MKLN1: variants seen among roughly 807,000 people sequenced by gnomAD.
MKLN1 encodes muskelin.
In MKLN1, 18 loss-of-function variants were observed where a neutral mutation model predicts 99.0. The ratio of observed to expected loss-of-function variants is 0.18; its 90% confidence interval spans 0.13 to 0.27. The LOEUF is 0.27. Among genes scored for constraint, MKLN1 ranks in the 10% least tolerant of loss-of-function variants. The pLI is 1.00. For synonymous variants in MKLN1, 288 were observed against 293.2 expected (o/e 0.98, Z 0.18); for missense variants, 621 against 875.9 (o/e 0.71, Z 3.67).
intron 9 of MKLN1, among the ~76,000 whole-genome samples, chr7:131,429,489 A>C (rs1350846471): frequency 1.3e-5 from 2 of 151,936 alleles, no homozygotes; most frequent in African/African-American, 4.8e-5. Flanking sequence ...CATTCATCTT[A>C]TTTTTATTTC....
At chr7:131,206,532 A>G (rs4731765) in intron 3 of MKLN1, among the ~76,000 whole-genome samples, 3,333 of 53,584 alleles carry the variant, frequency 0.062, 110 homozygotes, top group African/African-American at 0.21. Context: ...ATGTATGTGT[A>G]TAATTATTAT....
chr7:131,256,803 T>C (rs918613116), intron 3 of MKLN1, among the ~76,000 whole-genome samples: 3 of 151,646 alleles, frequency 2.0e-5, no homozygotes, highest in Admixed American at 1.3e-4. Context: ...TCCAAAAGGG[T>C]GGAGGGAGGG....
chr7:131,173,974 CTT>C (rs1191131472), intron 2 of MKLN1, among the ~76,000 whole-genome samples: 3 of 129,674 alleles, frequency 2.3e-5, no homozygotes, highest in Admixed American at 1.6e-4. Flanking sequence ...TTTTCTTTTT[CTT>C]TTTTTTTTTT....
intron 2 of MKLN1, among the ~76,000 whole-genome samples, chr7:131,185,831 G>A (rs1365104888): frequency 6.6e-6 from 1 of 152,172 alleles, no homozygotes; most frequent in Non-Finnish European, 1.5e-5. Context: ...AAAGAGCTTA[G>A]AACATGGCCT....
chr7:131,347,478 A>G (rs1799598509), intron 1 of MKLN1, among the ~76,000 whole-genome samples: 1 of 152,198 alleles, frequency 6.6e-6, no homozygotes, highest in Non-Finnish European at 1.5e-5. Context: ...ACCTGAACCA[A>G]GAAGCCAAAC....
At chr7:131,419,169 G>T (rs554658062) in intron 8 of MKLN1, among the ~76,000 whole-genome samples, 1 of 149,472 alleles carries the variant, frequency 6.7e-6, no homozygotes, top group African/African-American at 2.5e-5. Flanking sequence ...GTCTTTAAAC[G>T]GTGTGCAAAA....
At chr7:131,171,084 G>A (rs879196782) in intron 2 of MKLN1, among the ~76,000 whole-genome samples, 3 of 152,206 alleles carry the variant, frequency 2.0e-5, no homozygotes, top group Admixed American at 2.0e-4. Context: ...ATCATAAAGA[G>A]ATGAATCAGA....
intron 3 of MKLN1, among the ~76,000 whole-genome samples, chr7:131,253,242 C>A (rs1797609266): frequency 6.6e-6 from 1 of 151,366 alleles, no homozygotes; most frequent in South Asian, 2.1e-4. Context: ...CCAACCCCAA[C>A]TAGGTCAGTG....
chr7:131,359,096 G>A (rs1209393127), intron 1 of MKLN1, among the ~76,000 whole-genome samples: 1 of 151,920 alleles, frequency 6.6e-6, no homozygotes, highest in Non-Finnish European at 1.5e-5. Flanking sequence ...GTTTCCTAGG[G>A]TGGAAGCTTA....
At chr7:131,208,467 T>C (rs1474318768) in intron 3 of MKLN1, among the ~76,000 whole-genome samples, 1 of 152,086 alleles carries the variant, frequency 6.6e-6, no homozygotes, top group African/African-American at 2.4e-5. Context: ...TGGTGGTGCG[T>C]GCCTGTGGTC....
At chr7:131,370,354 A>G (rs1158756328) in intron 1 of MKLN1, among the ~76,000 whole-genome samples, 1 of 140,668 alleles carries the variant, frequency 7.1e-6, no homozygotes, top group East Asian at 2.1e-4. Context: ...GTTTATAATT[A>G]TGGCGGATTT....
chr7:131,455,792 T>C (rs1360641894), intron 12 of MKLN1, among the ~76,000 whole-genome samples: 6 of 152,162 alleles, frequency 3.9e-5, no homozygotes, highest in Admixed American at 3.9e-4. Flanking sequence ...TTGCCTGTAA[T>C]CCCAACACTT....
chr7:131,141,491 T>G (rs1237613388), intron 1 of MKLN1, among the ~76,000 whole-genome samples: 1 of 152,236 alleles, frequency 6.6e-6, no homozygotes, highest in Non-Finnish European at 1.5e-5. Flanking sequence ...TCCTCGAGAA[T>G]GTGGCTTGTA....
rs187903650 is a variant in MKLN1 at position 131,154,427 on chromosome 7, C to T, written c.-297+11486C>T. ...TACTATGCCTGCTGTCCTTGAGAAG[C>T]AGGATTCTCAGCATGAGAGGAAGGG... On this transcript the variant is annotated intron_variant, in intron 2 of 7. Coordinates refer to the MKLN1 transcript ENST00000416992. Among the ~76,000 whole-genome samples, 5 of 152,270 alleles carry T rather than the reference C, an allele frequency of 3.3e-5. No homozygotes were observed. The East Asian group carries it at 9.6e-4, about 29-fold the overall frequency.
At chr7:131,268,576 G>A (rs778269753) in intron 3 of MKLN1, among the ~76,000 whole-genome samples, 5 of 152,150 alleles carry the variant, frequency 3.3e-5, no homozygotes, top group Non-Finnish European at 7.3e-5. Context: ...GGTTCCCAGA[G>A]TCCTTTCCAT....
At chr7:131,371,984 C>T (rs967522903) in intron 1 of MKLN1, among the ~76,000 whole-genome samples, 4 of 151,830 alleles carry the variant, frequency 2.6e-5, no homozygotes, top group African/African-American at 7.2e-5. Flanking sequence ...ATATGTGGTA[C>T]GTTTTTATTT....
At chr7:131,396,284 G>A (rs1189399142) in intron 4 of MKLN1, among the ~76,000 whole-genome samples, 5 of 152,006 alleles carry the variant, frequency 3.3e-5, no homozygotes, top group African/African-American at 1.2e-4. Context: ...TGTTTGCCAG[G>A]CTGGTTTTGA....
Position 131,492,958 on chromosome 7 carries a change from A to G in MKLN1, c.*5230A>G, listed in dbSNP as rs1176297963. On this transcript the variant is annotated 3_prime_UTR_variant, in exon 18 of 18. Transcript: ENST00000352689. ...GCTAAAGTTTTATATTGTGAACTGG[A>G]TCCCACTTAACAGCTTAAAAACACA... 6.6e-6 allele frequency: 1 copy of G among 152,156 alleles called. No individual in the cohort carries two copies. Among genetic ancestry groups the G allele is most frequent in the Non-Finnish European group, 1.5e-5 (1 of 68,036 alleles). 9.4% of individuals were successfully genotyped at this position (152,156 alleles called of 1,614,324 possible).
intron 1 of MKLN1, among the ~76,000 whole-genome samples, chr7:131,361,116 G>T (rs1345996998): frequency 6.6e-6 from 1 of 151,168 alleles, no homozygotes; most frequent in Non-Finnish European, 1.5e-5. Flanking sequence ...AAATTTTTTT[G>T]ATATTTCCTG....
Sources: allele counts gnomAD v4.1 joint callset (sites outside exome capture counted in the v4.1 genomes callset), GRCh38; gene constraint gnomAD v4.1.1; transcripts MANE v1.5; gene names NCBI Gene and HGNC (gene_info 2026-07-23, HGNC 2026-07-21).